Variants in TMEM87A observed in about 807,000 individuals in gnomAD.
The protein encoded by TMEM87A is transmembrane protein 87A.
TMEM87A carries 50 observed loss-of-function variants against 90.0 expected under a neutral mutation model. That is an observed-to-expected ratio of 0.56 (90% CI 0.44 to 0.70). The LOEUF is 0.70. Among genes scored for constraint, TMEM87A ranks in the 30% least tolerant of loss-of-function variants. TMEM87A has a pLI of 0.00. For synonymous variants in TMEM87A, 226 were observed against 226.7 expected, an observed-to-expected ratio of 1.00 and a Z score of 0.03; for missense variants, 577 against 660.5, an observed-to-expected ratio of 0.87 and a Z score of 1.39.
chr15:42,255,278 C>T (rs1018297632), intron 6 of TMEM87A, among the ~76,000 whole-genome samples: 1 of 152,130 alleles, frequency 6.6e-6, no homozygotes, highest in Non-Finnish European at 1.5e-5. Context: ...GGATTACAGG[C>T]ATGTGCCACC....
chr15:42,248,259 T>C (rs561689560), intron 6 of TMEM87A, among the ~76,000 whole-genome samples: 76 of 152,168 alleles, frequency 5.0e-4, no homozygotes, highest in Non-Finnish European at 9.0e-4. Context: ...CTTTTCCTAA[T>C]TGAATACACT....
rs567771503 is a variant in TMEM87A at position 42,242,538 on chromosome 15, G to A, written c.622+1512C>T. On this transcript the variant is annotated intron_variant, in intron 7 of 19. Transcript: ENST00000389834. ...GAGGGGGAGAGGGACAGGGAGAGAG[G>A]GAGAGGGAGGGAGGGAGGAGAGGAA... is the stretch of plus-strand genomic sequence containing the variant. Among the ~76,000 whole-genome samples, 5 of 151,876 alleles carry A rather than the reference G, an allele frequency of 3.3e-5. 1 individual carries two copies. In the South Asian group the frequency reaches 1.0e-3, roughly 32 times the overall value.
At chr15:42,254,808 T>A (rs1425175089) in intron 6 of TMEM87A, among the ~76,000 whole-genome samples, 1 of 152,180 alleles carries the variant, frequency 6.6e-6, no homozygotes, top group African/African-American at 2.4e-5. Flanking sequence ...TCAAAATTCA[T>A]ACAATGTACA....
chr15:42,252,435 A>G (rs148285287), intron 6 of TMEM87A, among the ~76,000 whole-genome samples: 86 of 152,292 alleles, frequency 5.6e-4, no homozygotes, highest in African/African-American at 1.9e-3. Context: ...TGAACATACA[A>G]CATTTTACTT....
intron 4 of TMEM87A, among the ~76,000 whole-genome samples, chr15:42,263,246 T>C (rs1418032824): frequency 6.6e-6 from 1 of 152,216 alleles, no homozygotes. Context: ...CTGATAACGC[T>C]ATAACATGGA....
At chr15:42,248,819 C>A (rs1301041491) in intron 6 of TMEM87A, among the ~76,000 whole-genome samples, 1 of 152,102 alleles carries the variant, frequency 6.6e-6, no homozygotes, top group African/African-American at 2.4e-5. Context: ...AGGGAGGATT[C>A]CCTCTTTTTC....
At chr15:42,259,960 G>A (rs544606685) in intron 6 of TMEM87A, among the ~76,000 whole-genome samples, 22 of 152,236 alleles carry the variant, frequency 1.4e-4, no homozygotes, top group African/African-American at 4.8e-4. Context: ...GGAGAAATGC[G>A]GAGTGACTGA....
At chr15:42,252,860 A>G (rs996514035) in intron 6 of TMEM87A, among the ~76,000 whole-genome samples, 1 of 152,164 alleles carries the variant, frequency 6.6e-6, no homozygotes, top group African/African-American at 2.4e-5. Context: ...TGCATGCCTC[A>G]TAATTTTCCA....
intron 6 of TMEM87A, among the ~76,000 whole-genome samples, chr15:42,245,088 A>C (rs2050947435): frequency 6.6e-6 from 1 of 152,154 alleles, no homozygotes; most frequent in Admixed American, 6.5e-5. Flanking sequence ...ATCCATGTCA[A>C]ACAAAGCAGA....
Position 42,252,554 on chromosome 15 carries a change from C to T in TMEM87A, c.505-8387G>A, listed in dbSNP as rs938090002. Among the ~76,000 whole-genome samples the T allele has an allele frequency of 2.6e-5, 4 of 152,050 alleles. No homozygotes were observed. The East Asian group carries it at 7.7e-4, about 29-fold the overall frequency. On this transcript the variant is annotated intron_variant, in intron 6 of 19. Transcript: ENST00000389834. ...GGGCATTATTCCTTCAAATATTCTT[C>T]CCATACCTTTCTCCCTCTCTTCTCC...
intron 2 of TMEM87A, among the ~76,000 whole-genome samples, chr15:42,270,531 G>T (rs764926585): frequency 6.6e-6 from 1 of 152,164 alleles, no homozygotes; most frequent in Non-Finnish European, 1.5e-5. Flanking sequence ...GGGAGGTGGA[G>T]GTTGCAGTAA....
At chr15:42,225,519 TG>T (rs1391327276) in intron 15 of TMEM87A, among the ~76,000 whole-genome samples, 4 of 152,168 alleles carry the variant, frequency 2.6e-5, no homozygotes, top group Non-Finnish European at 4.4e-5. Flanking sequence ...AGAGACTCAG[TG>T]TAAGTGATAC....
intron 6 of TMEM87A, among the ~76,000 whole-genome samples, chr15:42,249,905 A>C (rs1466131131): frequency 5.3e-5 from 8 of 152,316 alleles, no homozygotes; most frequent in African/African-American, 1.9e-4. Flanking sequence ...TGCGAGTCTA[A>C]GTCTCTTTGT....
At chr15:42,257,635 G>A (rs2051208744) in intron 6 of TMEM87A, among the ~76,000 whole-genome samples, 1 of 152,130 alleles carries the variant, frequency 6.6e-6, no homozygotes, top group African/African-American at 2.4e-5. Flanking sequence ...TGTGGATCTA[G>A]CAATTCTACC....
At chr15:42,215,425 C>T (rs1466237540) in intron 19 of TMEM87A, among the ~76,000 whole-genome samples, 4 of 152,084 alleles carry the variant, frequency 2.6e-5, no homozygotes, top group South Asian at 2.1e-4. Flanking sequence ...GGCGTGAACC[C>T]GGAGGTTCTT....
rs2050280440 is a variant in TMEM87A, at chr15:42,211,218, T to G, written c.*490A>C. Reference sequence around the variant, plus strand: ...GGCCCTTTTTTCTCAAAACAACCTCTGCAAGATGTAACCTTGACTTCCCAG... The same window carrying G: ...GGCCCTTTTTTCTCAAAACAACCTCGGCAAGATGTAACCTTGACTTCCCAG... On this transcript the variant is annotated 3_prime_UTR_variant, in exon 20 of 20. Transcript: ENST00000389834. 1 of 152,330 alleles carries G rather than the reference T, an allele frequency of 6.6e-6. No homozygotes were observed. The highest frequency in any genetic ancestry group is 6.6e-5 in the Admixed American group (1 of 15,230). 9.4% of individuals were successfully genotyped at this position (152,330 alleles called of 1,614,324 possible).
intron 11 of TMEM87A, 113 bp downstream of exon 11, chr15:42,233,100 A>G (rs2050713830): frequency 1.2e-6 from 1 of 824,884 alleles, no homozygotes; most frequent in African/African-American, 1.7e-5. Context: ...TCAGAGCCCA[A>G]AAGTGACTTA....
chr15:42,253,324 G>T (rs1209930965), intron 6 of TMEM87A, among the ~76,000 whole-genome samples: 2 of 152,140 alleles, frequency 1.3e-5, no homozygotes, highest in Non-Finnish European at 2.9e-5. Context: ...GCCTTAAAAA[G>T]CCTTGTTCTC....
Position 42,259,088 on chromosome 15 carries a change from G to C in TMEM87A, c.504+1870C>G. The C allele has an allele frequency of 4.4e-6, 3 of 674,178 alleles. No homozygotes were observed. The South Asian group carries it at 5.0e-5, about 11-fold the overall frequency. 41.8% of individuals were successfully genotyped at this position (674,178 alleles called of 1,614,324 possible). ...ACCAAAGTCCCTGAAACTGTTAACA[G>C]CTGATAAAAACAACAGCTTAGCAGC... On this transcript the variant is annotated intron_variant, in intron 6 of 19. Coordinates refer to ENST00000389834, the MANE Select transcript of TMEM87A (RefSeq NM_015497.5).
Sources: allele counts gnomAD v4.1 joint callset (sites outside exome capture counted in the v4.1 genomes callset), GRCh38; gene constraint gnomAD v4.1.1; transcripts MANE v1.5; gene names NCBI Gene and HGNC (gene_info 2026-07-23, HGNC 2026-07-21).